The following PTPRT variants were observed in gnomAD, a reference collection of about 807,000 sequenced individuals.
The protein encoded by PTPRT is receptor-type tyrosine-protein phosphatase T.
In PTPRT, 56 loss-of-function variants were observed where a neutral mutation model predicts 176.8. That is an observed-to-expected ratio of 0.32 (90% CI 0.26 to 0.40). The LOEUF is 0.40. Among genes scored for constraint, PTPRT ranks in the 10% least tolerant of loss-of-function variants. PTPRT has a pLI of 1.00. For synonymous variants in PTPRT, 783 were observed against 739.0 expected (o/e 1.06, Z -0.96); for missense variants, 1,540 against 1,908.2 (o/e 0.81, Z 3.60).
rs147112931 is a variant in PTPRT at position 42,910,645 on chromosome 20, C to T, written c.89-24713G>A. 1.2e-3 allele frequency among the ~76,000 whole-genome samples: 185 copies of T among 152,258 alleles called. 1 individual carries two copies. Among genetic ancestry groups the T allele is most frequent in the African/African-American group, 4.3e-3 (178 of 41,558 alleles). ...CATTGCTGTGAGCCTCTAGGGAACC[C>T]CTTTTTCTCCACGCAGCCTTGGTGC... On this transcript the variant is annotated intron_variant, in intron 1 of 30. Transcript: ENST00000373187.
At chr20:42,395,861 G>A (rs74887150) in intron 9 of PTPRT, among the ~76,000 whole-genome samples, 10,335 of 151,980 alleles carry the variant, frequency 0.068, 437 homozygotes, top group African/African-American at 0.12. Context: ...CTCATTTGAT[G>A]ATTCTGCCTC....
chr20:42,133,956 T>C (rs1258565445), intron 18 of PTPRT, among the ~76,000 whole-genome samples: 1 of 152,184 alleles, frequency 6.6e-6, no homozygotes, highest in African/African-American at 2.4e-5. Flanking sequence ...ACTTAGAAAC[T>C]TGGTGCTCTC....
chr20:42,044,497 C>A, the PTPRT span, among the ~76,000 whole-genome samples: 1 of 152,184 alleles, frequency 6.6e-6, no homozygotes, highest in African/African-American at 2.4e-5. Flanking sequence ...AGGAATTGCC[C>A]AGTAAAGGGC....
At chr20:43,053,345 T>C (rs1229192101) in intron 1 of PTPRT, among the ~76,000 whole-genome samples, 2 of 152,198 alleles carry the variant, frequency 1.3e-5, no homozygotes, top group African/African-American at 4.8e-5. Context: ...CTTTGGTCCC[T>C]TGCCCCTGGG....
At chr20:42,046,796 T>C in the PTPRT span, among the ~76,000 whole-genome samples, 1 of 152,008 alleles carries the variant, frequency 6.6e-6, no homozygotes, top group Non-Finnish European at 1.5e-5. Context: ...TGTGTGTGTG[T>C]CTGTGTCTGT....
intron 1 of PTPRT, among the ~76,000 whole-genome samples, chr20:42,993,967 C>G (rs960207524): frequency 1.3e-5 from 2 of 152,126 alleles, no homozygotes; most frequent in Non-Finnish European, 2.9e-5. Flanking sequence ...CAGCTCTCCA[C>G]TCAGTATAGT....
intron 2 of PTPRT, among the ~76,000 whole-genome samples, chr20:42,791,949 C>T (rs982345660): frequency 3.9e-5 from 6 of 152,208 alleles, no homozygotes; most frequent in Non-Finnish European, 7.3e-5. Context: ...GTCCCCATCC[C>T]TTGACTTTGG....
At chr20:43,063,148 A>G (rs1987541549) in intron 1 of PTPRT, among the ~76,000 whole-genome samples, 1 of 152,248 alleles carries the variant, frequency 6.6e-6, no homozygotes, top group African/African-American at 2.4e-5. Flanking sequence ...GTGTGAGGTC[A>G]CAAAAGATTA....
chr20:42,960,274 G>A (rs1305045700), intron 1 of PTPRT, among the ~76,000 whole-genome samples: 3 of 152,164 alleles, frequency 2.0e-5, no homozygotes, highest in African/African-American at 7.2e-5. Flanking sequence ...AGGCTGAGAA[G>A]TCCAAGATCA....
intron 9 of PTPRT, among the ~76,000 whole-genome samples, chr20:42,391,482 C>T (rs531338454): frequency 4.6e-5 from 7 of 152,138 alleles, no homozygotes; most frequent in South Asian, 2.1e-4. Flanking sequence ...GTGTGGGGCA[C>T]GGACACTACC....
intron 1 of PTPRT, among the ~76,000 whole-genome samples, chr20:43,157,553 A>G (rs2014560112): frequency 6.6e-6 from 1 of 152,126 alleles, no homozygotes; most frequent in Non-Finnish European, 1.5e-5. Context: ...GTATTAAACT[A>G]AGTAGTTGGT....
intron 9 of PTPRT, among the ~76,000 whole-genome samples, chr20:42,389,933 C>G (rs114193244): frequency 0.02 from 2,979 of 151,902 alleles, 93 homozygotes; most frequent in African/African-American, 0.069. Flanking sequence ...TTCCTTTGCC[C>G]TTCTACCATA....
chr20:42,828,401 C>A (rs1183532519), intron 2 of PTPRT, among the ~76,000 whole-genome samples: 1 of 152,092 alleles, frequency 6.6e-6, no homozygotes, highest in Non-Finnish European at 1.5e-5. Flanking sequence ...TTGCAGCTGA[C>A]AATGCAATAG....
chr20:42,092,500 A>G (rs972695665), intron 27 of PTPRT, among the ~76,000 whole-genome samples: 1 of 152,228 alleles, frequency 6.6e-6, no homozygotes, highest in African/African-American at 2.4e-5. Context: ...GAACTGGCTC[A>G]GGGCAACACA....
intron 7 of PTPRT, among the ~76,000 whole-genome samples, chr20:42,524,168 C>G (rs944662648): frequency 2.6e-5 from 4 of 152,184 alleles, no homozygotes; most frequent in African/African-American, 4.8e-5. Flanking sequence ...CATATACCAA[C>G]TTGAACTTTA....
intron 1 of PTPRT, among the ~76,000 whole-genome samples, chr20:42,982,170 G>A (rs1041413665): frequency 2.6e-5 from 4 of 152,132 alleles, no homozygotes; most frequent in Admixed American, 6.5e-5. Context: ...TTAGGTTGAC[G>A]AAGAGGTGTC....
intron 6 of PTPRT, among the ~76,000 whole-genome samples, chr20:42,694,241 T>C (rs1292512887): frequency 6.6e-6 from 1 of 152,050 alleles, no homozygotes; most frequent in East Asian, 1.9e-4. Flanking sequence ...GGTTTCACTG[T>C]GTTAGCCAGG....
At chr20:42,049,483 A>G in the PTPRT span, among the ~76,000 whole-genome samples, 5 of 152,334 alleles carry the variant, frequency 3.3e-5, no homozygotes, top group Admixed American at 6.5e-5. Context: ...AGTTTCATGA[A>G]TAGATTCCTT....
intron 8 of PTPRT, among the ~76,000 whole-genome samples, chr20:42,467,049 A>T (rs968129396): frequency 6.6e-6 from 1 of 152,200 alleles, no homozygotes; most frequent in Admixed American, 6.5e-5. Flanking sequence ...TGATCTATGA[A>T]TCAACAGGGA....
Sources: allele counts gnomAD v4.1 joint callset (sites outside exome capture counted in the v4.1 genomes callset), GRCh38; gene constraint gnomAD v4.1.1; transcripts MANE v1.5; gene names NCBI Gene and HGNC (gene_info 2026-07-23, HGNC 2026-07-21).